The following IBSP variants were observed in gnomAD, a reference collection of about 807,000 sequenced individuals.
IBSP encodes the protein integrin binding sialoprotein.
Under a neutral mutation model 25.5 loss-of-function variants are expected in IBSP, and 19 were observed. The ratio of observed to expected loss-of-function variants is 0.74; its 90% confidence interval spans 0.52 to 1.09. The LOEUF (loss-of-function observed/expected upper bound fraction) is 1.09, where lower values mean the gene tolerates loss of function less well. Ranked by LOEUF, IBSP falls within the 50% of genes least tolerant of loss-of-function variation. The probability of loss-of-function intolerance (pLI) is 0.00; values close to 1 mark genes in which losing one functional copy is unlikely to be tolerated. For missense variants in IBSP, 360 were observed against 382.3 expected, an observed-to-expected ratio of 0.94 and a Z score of 0.49; for synonymous variants, 144 against 137.6, an observed-to-expected ratio of 1.05 and a Z score of -0.33.
chr4:87,811,992 A>T lies in IBSP; in HGVS notation c.*82A>T. The T allele has an allele frequency of 9.2e-7, 1 of 1,088,090 alleles. No individual in the cohort carries two copies. Among genetic ancestry groups the T allele is most frequent in the Non-Finnish European group, 1.3e-6 (1 of 755,524 alleles). 67.4% of individuals were successfully genotyped at this position (1,088,090 alleles called of 1,614,324 possible). A position where few individuals can be genotyped will look rare whatever the true frequency, so the allele number is the denominator to read the frequency against. ...GAAGTTCAACTCAGGAAGGTGCAAT[A>T]TAACAAATGTGCATATTATAATGAG... On this transcript the variant is annotated 3_prime_UTR_variant, in exon 7 of 7. Coordinates refer to ENST00000226284, the MANE Select transcript of IBSP (RefSeq NM_004967.4).
In IBSP at chr4:87,811,467, G is replaced by T; in HGVS notation, c.511G>T (p.Glu171Ter). 16 of 1,613,978 alleles carry T rather than the reference G, an allele frequency of 9.9e-6. No homozygotes were observed. Among genetic ancestry groups the T allele is most frequent in the Non-Finnish European group, 1.4e-5 (16 of 1,179,952 alleles). Residue 171 changes from glutamate (E) to a stop codon, truncating the protein, a stop_gained, in exon 7 of 7, where the codon GAA becomes TAA. Transcript: ENST00000226284. LOFTEE classifies it low-confidence loss of function (END_TRUNC). ...CGAAGAAAGCGAAGCAGAAGTGGAT[G>T]AAAACGAACAAGGCATAAACGGCAC... ...ENEESEAEVDENEQGINGTST... is the reference protein window; with the variant it reads ...ENEESEAEVD
intron 6 of IBSP, 61 bp from the exon 7 acceptor site, chr4:87,811,301 C>T (rs4693183): frequency 0.76 from 1,158,870 of 1,527,820 alleles, 441,842 homozygotes; most frequent in African/African-American, 0.9. Context: ...CATGAAATGA[C>T]GGCCTTAAAT....
At chr4:87,804,262 G>A (rs1257292099) in intron 4 of IBSP, among the ~76,000 whole-genome samples, 1 of 152,084 alleles carries the variant, frequency 6.6e-6, no homozygotes, top group Non-Finnish European at 1.5e-5. Context: ...ATTGTTAGGT[G>A]TTTAGTGCCC....
chr4:87,810,478 G>C (rs539009031), intron 5 of IBSP, 128 bp from the exon 6 acceptor site: 1 of 691,834 alleles, frequency 1.4e-6, no homozygotes, highest in East Asian at 2.7e-5. Flanking sequence ...GGCTTTGAGT[G>C]ATCAGCCAGC....
intron 1 of IBSP, among the ~76,000 whole-genome samples, chr4:87,800,984 G>T (rs1722005313): frequency 6.6e-6 from 1 of 152,148 alleles, no homozygotes; most frequent in African/African-American, 2.4e-5. Context: ...CTGAGTGTTA[G>T]TAGGCTTTCA....
Position 87,810,663 on chromosome 4 carries a change from G to A in IBSP, c.304G>A (p.Ala102Thr). The change falls in exon 6 of 7, where the codon GCT (alanine) becomes ACT (threonine). Residue 102 changes from alanine to threonine, a missense_variant. Transcript: ENST00000226284. ...ATCGAATGAAGATGAAGACTCTGAGGCTGAGAATACCACACTTTCTGCTAC... is the reference window on the plus strand; with the variant it reads ...ATCGAATGAAGATGAAGACTCTGAGACTGAGAATACCACACTTTCTGCTAC... ...EESNEDEDSE[A>T]ENTTLSATTL... The A allele has an allele frequency of 6.2e-7, 1 of 1,613,644 alleles. No individual in the cohort carries two copies. The highest frequency in any genetic ancestry group is 1.1e-5 in the South Asian group (1 of 91,070).
In IBSP at chr4:87,810,498, C is replaced by T. The variant is rs866227915; in HGVS notation, c.247-108C>T. 46 of 864,434 alleles carry T rather than the reference C, an allele frequency of 5.3e-5. 1 individual carries two copies. The Middle Eastern group carries it at 4.0e-3, about 74-fold the overall frequency. The allele number at this position is 864,434 out of a possible 1,614,324, so 53.5% of individuals were successfully genotyped here. ...TGAGTGATCAGCCAGCTGAGGGATG[C>T]AAAGTTTTTCCAAATAATAAACCTT... is the stretch of plus-strand genomic sequence containing the variant. On this transcript the variant is annotated intron_variant, in intron 5 of 6. Transcript: ENST00000226284.
At chr4:87,811,315 A>T in intron 6 of IBSP, 47 bp from the exon 7 acceptor site, 1 of 1,544,602 alleles carries the variant, frequency 6.5e-7, no homozygotes, top group Non-Finnish European at 8.7e-7. Context: ...CTTAAATTTT[A>T]CATTTTTCAC....
At chr4:87,808,817 G>A (rs1194617495) in intron 5 of IBSP, among the ~76,000 whole-genome samples, 5 of 152,086 alleles carry the variant, frequency 3.3e-5, no homozygotes, top group African/African-American at 7.2e-5. Context: ...ATTTCATTAC[G>A]TGAATGTACC....
At chr4:87,810,925 T>C (rs531237246) in intron 6 of IBSP, among the ~76,000 whole-genome samples, 161 bp downstream of exon 6, 7 of 152,286 alleles carry the variant, frequency 4.6e-5, no homozygotes, top group Middle Eastern at 3.4e-3. Context: ...TGAGAGCAGA[T>C]ACAATTTTCC....
At chr4:87,807,783 G>C (rs1722109834) in intron 5 of IBSP, among the ~76,000 whole-genome samples, 1 of 152,208 alleles carries the variant, frequency 6.6e-6, no homozygotes, top group African/African-American at 2.4e-5. Context: ...CGTGTCTGCA[G>C]ACACCTCATG....
chr4:87,806,357 C>T, intron 5 of IBSP, among the ~76,000 whole-genome samples, 173 bp downstream of exon 5: 1 of 152,244 alleles, frequency 6.6e-6, no homozygotes, highest in Non-Finnish European at 1.5e-5. Flanking sequence ...ACTAACATGA[C>T]CTGTTTAAAA....
chr4:87,812,171 T>C lies in IBSP; in HGVS notation c.*261T>C, dbSNP rs930769540. On this transcript the variant is annotated 3_prime_UTR_variant, in exon 7 of 7. Transcript: ENST00000226284. ...ACTCATAAGATCAAATTTCATTGAA[T>C]GGTTTGAGGTTGTAGCTCTATAAAT... 1 of 377,824 alleles carries C rather than the reference T, an allele frequency of 2.6e-6. No homozygotes were observed. The highest frequency in any genetic ancestry group is 4.4e-5 in the Admixed American group (1 of 22,828). 23.4% of individuals were successfully genotyped at this position (377,824 alleles called of 1,614,324 possible).
chr4:87,801,534 A>G (rs1032168539), intron 1 of IBSP, among the ~76,000 whole-genome samples: 3 of 151,796 alleles, frequency 2.0e-5, no homozygotes, highest in African/African-American at 7.3e-5. Flanking sequence ...ACACACACAC[A>G]CACCAATTAT....
At chr4:87,800,459 A>G (rs925400031) in intron 1 of IBSP, among the ~76,000 whole-genome samples, 6 of 152,132 alleles carry the variant, frequency 3.9e-5, no homozygotes, top group Non-Finnish European at 7.3e-5. Flanking sequence ...AAATATTCCG[A>G]CCCTTCTCAC....
chr4:87,809,383 A>T (rs1305161140), intron 5 of IBSP, among the ~76,000 whole-genome samples: 1 of 152,234 alleles, frequency 6.6e-6, no homozygotes, highest in African/African-American at 2.4e-5. Flanking sequence ...CATATGAGTC[A>T]TATAAGCCAA....
chr4:87,808,969 A>C (rs969599961), intron 5 of IBSP, among the ~76,000 whole-genome samples: 1 of 152,206 alleles, frequency 6.6e-6, no homozygotes, highest in Non-Finnish European at 1.5e-5. Flanking sequence ...CCTAAAAGTG[A>C]AATTTCGGAG....
At chr4:87,809,969 T>C (rs1578044619) in intron 5 of IBSP, among the ~76,000 whole-genome samples, 1 of 152,174 alleles carries the variant, frequency 6.6e-6, no homozygotes, top group South Asian at 2.1e-4. Flanking sequence ...CGGTGGCTCA[T>C]GCCTGTAATC....
Position 87,802,698 on chromosome 4 carries a change from C to A in IBSP, c.150C>A (p.Tyr50Ter), listed in dbSNP as rs767224591. 6.4e-7 allele frequency: 1 copy of A among 1,559,688 alleles called. No individual in the cohort carries two copies. Among genetic ancestry groups the A allele is most frequent in the Non-Finnish European group, 8.6e-7 (1 of 1,163,268 alleles). ...RPRYYLYKHA[Y>*]FYPHLKRFPV... ...GATATTATCTTTACAAGCATGCCTA[C>A]TTTTATCCTCATTTAAAACGATTTC... Residue 50 changes from tyrosine to a stop codon, truncating the protein, a stop_gained, in exon 4 of 7, where the codon TAC becomes TAA. Coordinates refer to ENST00000226284, the MANE Select transcript of IBSP (RefSeq NM_004967.4). LOFTEE classifies it high-confidence loss of function.
Sources: allele counts gnomAD v4.1 joint callset (sites outside exome capture counted in the v4.1 genomes callset), GRCh38; gene constraint gnomAD v4.1.1; transcripts MANE v1.5; gene names NCBI Gene and HGNC (gene_info 2026-07-23, HGNC 2026-07-21).